SEC14L5: variants seen among roughly 807,000 people sequenced by gnomAD.
SEC14L5 encodes SEC14 like lipid binding 5.
A neutral mutation model predicts 84.6 loss-of-function variants in SEC14L5; 96 were observed. The ratio of observed to expected loss-of-function variants is 1.13; its 90% confidence interval spans 0.96 to 1.34. The LOEUF is 1.34. Among genes scored for constraint, SEC14L5 ranks in the 40% most tolerant of loss-of-function variants. The pLI is 0.00. For missense variants in SEC14L5, 1,224 were observed against 942.5 expected (o/e 1.30, Z -3.91); for synonymous variants, 546 against 383.4 (o/e 1.42, Z -4.95).
At chr16:4,975,740 A>G (rs965485311) in intron 2 of SEC14L5, among the ~76,000 whole-genome samples, 1 of 152,072 alleles carries the variant, frequency 6.6e-6, no homozygotes, top group African/African-American at 2.4e-5. Flanking sequence ...TTGATATCAC[A>G]TCTGTGCTGA....
chr16:4,963,535 G>A (rs1032801925), intron 2 of SEC14L5, among the ~76,000 whole-genome samples: 2 of 152,182 alleles, frequency 1.3e-5, no homozygotes, highest in Non-Finnish European at 2.9e-5. Context: ...TAGTAGAGAC[G>A]GGGTTTCACC....
At chr16:5,009,225 C>A (rs1270844721) in intron 14 of SEC14L5, among the ~76,000 whole-genome samples, 1 of 152,122 alleles carries the variant, frequency 6.6e-6, no homozygotes, top group African/African-American at 2.4e-5. Context: ...GGTTTCTTCT[C>A]TGTCTGTCTC....
At position 4,993,501 on chromosome 16, in the gene SEC14L5, C is replaced by G. The variant is rs190123106; in HGVS notation, c.667+1471C>G. Among the ~76,000 whole-genome samples the G allele has an allele frequency of 1.7e-3, 263 of 152,324 alleles. 1 individual carries two copies. Among genetic ancestry groups the G allele is most frequent in the African/African-American group, 6.0e-3 (248 of 41,572 alleles). On this transcript the variant is annotated intron_variant, in intron 6 of 15. Transcript: ENST00000251170. The stretch of plus-strand genomic sequence containing the variant: ...AGGTGATCCACCTGCCTTGGCTTCC[C>G]ACAGTGCTGGAATTACATGTGAGCC...
intron 15 of SEC14L5, among the ~76,000 whole-genome samples, chr16:5,011,914 T>C (rs1955809818): frequency 6.6e-6 from 1 of 152,214 alleles, no homozygotes; most frequent in Admixed American, 6.5e-5. Flanking sequence ...GCAGGCAGTT[T>C]CTTCAAGGTT....
chr16:5,013,445 G>C (rs547476072), intron 15 of SEC14L5, among the ~76,000 whole-genome samples: 2 of 151,916 alleles, frequency 1.3e-5, no homozygotes, highest in East Asian at 3.9e-4. Flanking sequence ...GGAGTGCAGT[G>C]GTGCAATCCT....
intron 15 of SEC14L5, among the ~76,000 whole-genome samples, chr16:5,012,047 G>A (rs902265880): frequency 2.0e-5 from 3 of 152,184 alleles, no homozygotes; most frequent in African/African-American, 7.2e-5. Context: ...CTCAAGGAAG[G>A]TGCTGAGTCT....
At chr16:4,960,868 G>A (rs1190093675) in intron 2 of SEC14L5, 1 of 152,230 alleles carries the variant, frequency 6.6e-6, no homozygotes, top group African/African-American at 2.4e-5. Context: ...TTGCTTCTGC[G>A]TAATGGGAGT....
chr16:4,987,511 C>A, intron 2 of SEC14L5, 46 bp from the exon 3 acceptor site: 2 of 1,410,736 alleles, frequency 1.4e-6, no homozygotes, highest in Non-Finnish European at 9.5e-7. Context: ...GGGGGGGGTC[C>A]CTCTGCCCCC....
chr16:5,009,297 G>A (rs192821089), intron 14 of SEC14L5, among the ~76,000 whole-genome samples: 1 of 152,046 alleles, frequency 6.6e-6, no homozygotes, highest in East Asian at 1.9e-4. Flanking sequence ...TCACAGTTAG[G>A]CCCCATCTTA....
At chr16:4,996,780 C>A in intron 7 of SEC14L5, 75 bp from the exon 8 acceptor site, 1 of 1,190,790 alleles carries the variant, frequency 8.4e-7, no homozygotes, top group Admixed American at 2.4e-5. Flanking sequence ...CCATGTTGCC[C>A]CGGCTGGTTC....
chr16:5,015,084 G>A lies in SEC14L5; in HGVS notation c.*114G>A, dbSNP rs1471878598. On this transcript the variant is annotated 3_prime_UTR_variant, in exon 16 of 16. Transcript: ENST00000251170. ...CATGTGGGCTGGAGCCCCAGGCCTA[G>A]ATGCTGCCCAAGTTGGGGTGTCTGG... The A allele has an allele frequency of 1.3e-6, 1 of 788,562 alleles. No individual in the cohort carries two copies. Among genetic ancestry groups the A allele is most frequent in the Non-Finnish European group, 2.0e-6 (1 of 493,500 alleles). 48.8% of individuals were successfully genotyped at this position (788,562 alleles called of 1,614,324 possible). A position where few individuals can be genotyped will look rare whatever the true frequency, so the allele number is the denominator to read the frequency against.
At chr16:4,967,562 G>GTTTTTTTTTTTTTTTT (rs869061549) in intron 2 of SEC14L5, among the ~76,000 whole-genome samples, 1 of 37,064 alleles carries the variant, frequency 2.7e-5, no homozygotes, top group Non-Finnish European at 5.5e-5. Flanking sequence ...TCTTTCTTTC[G>GTTTTTTTTTTTTTTTT]TTTTTTTTTT....
At chr16:4,983,122 C>T (rs953771854) in intron 2 of SEC14L5, among the ~76,000 whole-genome samples, 14 of 152,078 alleles carry the variant, frequency 9.2e-5, no homozygotes, top group African/African-American at 1.4e-4. Flanking sequence ...CCTGCCTCAG[C>T]CTCCTGACTA....
At chr16:4,990,457 C>G (rs1458844130) in intron 4 of SEC14L5, among the ~76,000 whole-genome samples, 1 of 152,202 alleles carries the variant, frequency 6.6e-6, no homozygotes, top group African/African-American at 2.4e-5. Flanking sequence ...GCCGCCATGC[C>G]CGACCTAAAC....
intron 2 of SEC14L5, among the ~76,000 whole-genome samples, chr16:4,979,642 A>C (rs1955395004): frequency 1.3e-5 from 2 of 152,280 alleles, no homozygotes; most frequent in East Asian, 3.9e-4. Flanking sequence ...CCCCAGGAGA[A>C]GGCAAGGCAG....
At chr16:4,997,477 G>A (rs930251894) in intron 8 of SEC14L5, among the ~76,000 whole-genome samples, 5 of 152,160 alleles carry the variant, frequency 3.3e-5, no homozygotes, top group Non-Finnish European at 7.3e-5. Flanking sequence ...ATCTAGAAAT[G>A]CTTTGAAGTG....
chr16:4,988,664 C>T (rs1018983063), intron 4 of SEC14L5, among the ~76,000 whole-genome samples: 2 of 152,274 alleles, frequency 1.3e-5, no homozygotes, highest in South Asian at 2.1e-4. Flanking sequence ...GTGAAATGGG[C>T]TTAATAATCA....
intron 2 of SEC14L5, among the ~76,000 whole-genome samples, chr16:4,979,369 G>GGC (rs1955391523): frequency 6.6e-6 from 1 of 152,102 alleles, no homozygotes; most frequent in East Asian, 1.9e-4. Flanking sequence ...TGCGACTATG[G>GGC]GCAAGTGACT....
chr16:5,006,175 A>C, intron 12 of SEC14L5, 127 bp downstream of exon 12: 1 of 928,072 alleles, frequency 1.1e-6, no homozygotes, highest in Non-Finnish European at 1.6e-6. Flanking sequence ...CACTCTGCCT[A>C]GGGCAGGTCT....
Sources: allele counts gnomAD v4.1 joint callset (sites outside exome capture counted in the v4.1 genomes callset), GRCh38; gene constraint gnomAD v4.1.1; transcripts MANE v1.5; gene names NCBI Gene and HGNC (gene_info 2026-07-23, HGNC 2026-07-21).